The following SH3RF3 variants were observed in gnomAD, a reference collection of about 807,000 sequenced individuals.
SH3RF3 encodes E3 ubiquitin-protein ligase SH3RF3.
SH3RF3 carries 29 observed loss-of-function variants against 66.3 expected under a neutral mutation model. The observed-to-expected ratio is 0.44, with a 90% CI of 0.33 to 0.60. The LOEUF (loss-of-function observed/expected upper bound fraction) is 0.60, where lower values mean the gene tolerates loss of function less well. SH3RF3 is among the 20% of genes least tolerant of loss of function. The pLI is 0.04. For synonymous variants in SH3RF3, 583 were observed against 532.0 expected (o/e 1.10, Z -1.32); for missense variants, 1,194 against 1,190.9 (o/e 1.00, Z -0.04).
intron 7 of SH3RF3, among the ~76,000 whole-genome samples, chr2:109,447,501 T>C (rs1036669565): frequency 6.6e-6 from 1 of 152,148 alleles, no homozygotes; most frequent in African/African-American, 2.4e-5. Flanking sequence ...TGGTAGAAAA[T>C]GATTACAGTA....
chr2:109,399,671 A>G (rs1413769066), intron 4 of SH3RF3, among the ~76,000 whole-genome samples: 1 of 152,230 alleles, frequency 6.6e-6, no homozygotes, highest in Non-Finnish European at 1.5e-5. Context: ...ATAATGAACA[A>G]TATTTAGTAA....
At chr2:109,428,904 G>C (rs115974880) in intron 5 of SH3RF3, among the ~76,000 whole-genome samples, 393 of 152,214 alleles carry the variant, frequency 2.6e-3, no homozygotes, top group African/African-American at 8.6e-3. Flanking sequence ...GGTGCTGCCC[G>C]GTTCTCCCTG....
At chr2:109,231,900 T>C (rs1480547378) in intron 1 of SH3RF3, among the ~76,000 whole-genome samples, 2 of 152,252 alleles carry the variant, frequency 1.3e-5, no homozygotes, top group East Asian at 3.8e-4. Context: ...TAATTTGCCC[T>C]TTTAAAGTGT....
chr2:109,431,179 A>G (rs990645535), intron 5 of SH3RF3, among the ~76,000 whole-genome samples: 7 of 152,168 alleles, frequency 4.6e-5, no homozygotes, highest in South Asian at 2.1e-4. Flanking sequence ...GGTGGGGTCT[A>G]TGAGCTTCCC....
chr2:109,230,295 G>T (rs1177861792), intron 1 of SH3RF3, among the ~76,000 whole-genome samples: 2 of 152,090 alleles, frequency 1.3e-5, no homozygotes, highest in Non-Finnish European at 2.9e-5. Flanking sequence ...TGTAACCCTG[G>T]CCAGGCATAG....
chr2:109,485,615 T>C (rs1033396537), intron 8 of SH3RF3, among the ~76,000 whole-genome samples: 1 of 152,260 alleles, frequency 6.6e-6, no homozygotes, highest in Non-Finnish European at 1.5e-5. Context: ...TAGAGTGTAG[T>C]ATGAATAAAC....
chr2:109,146,344 G>A (rs1039520145), intron 1 of SH3RF3, among the ~76,000 whole-genome samples: 2 of 152,122 alleles, frequency 1.3e-5, no homozygotes, highest in East Asian at 3.9e-4. Flanking sequence ...CCCAAAGGTG[G>A]CCAGGGCCTC....
chr2:109,447,315 G>A (rs1306584884), intron 7 of SH3RF3, among the ~76,000 whole-genome samples: 1 of 152,120 alleles, frequency 6.6e-6, no homozygotes, highest in Non-Finnish European at 1.5e-5. Context: ...ACACACGGCT[G>A]TGTCAGAAGA....
rs145028535 is a variant in SH3RF3 at position 109,265,109 on chromosome 2, C to T, written c.574-82565C>T. Among the ~76,000 whole-genome samples the T allele has an allele frequency of 3.0e-3, 453 of 152,080 alleles. 2 individuals are homozygous for T. Among genetic ancestry groups the T allele is most frequent in the African/African-American group, 0.01 (424 of 41,478 alleles). ...CTGCTTAGACTTTGCCCACTTGAGG[C>T]GTTGCGAAATAGGATGGTGTGTGTT... On this transcript the variant is annotated intron_variant, in intron 1 of 9. Coordinates refer to ENST00000309415, the MANE Select transcript of SH3RF3 (RefSeq NM_001099289.3).
intron 3 of SH3RF3, 107 bp downstream of exon 3, chr2:109,371,788 T>A: frequency 1.1e-6 from 1 of 903,538 alleles, no homozygotes. Context: ...AGAAAGAGGA[T>A]CCTCCACAAT....
At chr2:109,425,625 C>T (rs1677006759) in intron 5 of SH3RF3, among the ~76,000 whole-genome samples, 1 of 152,152 alleles carries the variant, frequency 6.6e-6, no homozygotes, top group African/African-American at 2.4e-5. Flanking sequence ...ACAACCACGC[C>T]TGCATGATAG....
At chr2:109,487,190 A>G (rs1186483818) in intron 8 of SH3RF3, among the ~76,000 whole-genome samples, 1 of 152,120 alleles carries the variant, frequency 6.6e-6, no homozygotes, top group Non-Finnish European at 1.5e-5. Flanking sequence ...TCCTTAACAT[A>G]ATCTTTCAGC....
intron 1 of SH3RF3, among the ~76,000 whole-genome samples, chr2:109,170,282 C>G (rs1677740246): frequency 7.7e-6 from 1 of 129,336 alleles, no homozygotes; most frequent in Non-Finnish European, 1.7e-5. Flanking sequence ...CTCTTCTCTT[C>G]TCTTCTCTTC....
chr2:109,440,769 G>A lies in SH3RF3; in HGVS notation c.1828+3623G>A, dbSNP rs191315136. On this transcript the variant is annotated intron_variant, in intron 7 of 9. Transcript: ENST00000309415. ...TTTCCAGGGCAGTGACCAGAGAGGA[G>A]AGAACAGCACAGAGAGGCTGCAGAG... Among the ~76,000 whole-genome samples, 9 of 152,270 alleles carry A rather than the reference G, an allele frequency of 5.9e-5. No individual in the cohort carries two copies. The East Asian group carries it at 1.7e-3, about 29-fold the overall frequency.
intron 1 of SH3RF3, among the ~76,000 whole-genome samples, chr2:109,286,986 G>T (rs1425880691): frequency 6.6e-6 from 1 of 152,204 alleles, no homozygotes; most frequent in African/African-American, 2.4e-5. Flanking sequence ...TGGCAGCACT[G>T]AAATGGGACG....
intron 6 of SH3RF3, among the ~76,000 whole-genome samples, chr2:109,435,674 T>G (rs115123673): frequency 2.1e-3 from 318 of 152,362 alleles, no homozygotes; most frequent in Non-Finnish European, 3.2e-3. Flanking sequence ...TCTGCTGTCA[T>G]GAGAGGCAGA....
At chr2:109,293,470 C>CCT (rs1341423565) in intron 1 of SH3RF3, among the ~76,000 whole-genome samples, 5 of 152,182 alleles carry the variant, frequency 3.3e-5, no homozygotes, top group Non-Finnish European at 5.9e-5. Context: ...CCTGCCCTAC[C>CCT]CTGCCCCCTT....
intron 1 of SH3RF3, among the ~76,000 whole-genome samples, chr2:109,323,125 T>G (rs1222977381): frequency 6.6e-6 from 1 of 152,164 alleles, no homozygotes; most frequent in Non-Finnish European, 1.5e-5. Flanking sequence ...TCCCAGCATA[T>G]GCTCCAGAGA....
At chr2:109,422,089 G>A (rs986212494) in intron 5 of SH3RF3, among the ~76,000 whole-genome samples, 4 of 152,192 alleles carry the variant, frequency 2.6e-5, no homozygotes, top group East Asian at 1.9e-4. Context: ...GCAAGTACCC[G>A]GGGTGGGGGT....
Sources: allele counts gnomAD v4.1 joint callset (sites outside exome capture counted in the v4.1 genomes callset), GRCh38; gene constraint gnomAD v4.1.1; transcripts MANE v1.5; gene names NCBI Gene and HGNC (gene_info 2026-07-23, HGNC 2026-07-21).